DZANK1: variants seen among roughly 807,000 people sequenced by gnomAD.
The protein encoded by DZANK1 is double zinc ribbon and ankyrin repeat domains 1.
DZANK1 carries 91 observed loss-of-function variants against 94.5 expected under a neutral mutation model. The observed-to-expected ratio is 0.96, with a 90% CI of 0.81 to 1.15. DZANK1 has a LOEUF of 1.15. DZANK1 is among the 50% of genes most tolerant of loss of function. The probability of loss-of-function intolerance (pLI) is 0.00; values close to 1 mark genes in which losing one functional copy is unlikely to be tolerated. For missense variants in DZANK1, 903 were observed against 916.4 expected (o/e 0.99, Z 0.19); for synonymous variants, 312 against 325.3 (o/e 0.96, Z 0.44).
chr20:18,395,302 C>A (rs891352190), intron 15 of DZANK1, among the ~76,000 whole-genome samples: 1 of 152,176 alleles, frequency 6.6e-6, no homozygotes, highest in African/African-American at 2.4e-5. Context: ...GGGAGGTTTG[C>A]AGTGAGCCAA....
At chr20:18,403,062 G>A (rs2056768837) in intron 13 of DZANK1, among the ~76,000 whole-genome samples, 1 of 152,160 alleles carries the variant, frequency 6.6e-6, no homozygotes, top group Admixed American at 6.5e-5. Context: ...GTTCCCAAAG[G>A]GGTGTAGTAT....
chr20:18,410,439 T>C (rs1200959205), intron 13 of DZANK1, among the ~76,000 whole-genome samples: 1 of 151,964 alleles, frequency 6.6e-6, no homozygotes, highest in Non-Finnish European at 1.5e-5. Flanking sequence ...GAAAAAGTCA[T>C]TAAATAAATC....
intron 13 of DZANK1, among the ~76,000 whole-genome samples, chr20:18,412,221 A>G (rs1196724658): frequency 6.6e-6 from 1 of 152,214 alleles, no homozygotes; most frequent in Non-Finnish European, 1.5e-5. Context: ...TTGGCCTCCC[A>G]AAGTGCTGGG....
intron 10 of DZANK1, among the ~76,000 whole-genome samples, chr20:18,419,864 A>G (rs6081132): frequency 0.83 from 122,860 of 148,522 alleles, 51,361 homozygotes; most frequent in South Asian, 0.96. Flanking sequence ...CATCAGAAAT[A>G]GTAAAAATAA....
intron 3 of DZANK1, among the ~76,000 whole-genome samples, chr20:18,458,726 T>C (rs1045218321): frequency 9.9e-5 from 15 of 152,158 alleles, no homozygotes; most frequent in African/African-American, 3.1e-4. Context: ...CACCTGAATC[T>C]TGGATGGTCT....
rs117658929 is a variant in DZANK1 at position 18,399,387 on chromosome 20, G to A, written c.1433-761C>T. On this transcript the variant is annotated intron_variant, in intron 13 of 20. Transcript: ENST00000262547. ...TGGAAATTCAAGCACGCACCACAAC[G>A]CCTGGCTAGTGTTTGTATTTTTTAT... Among the ~76,000 whole-genome samples, 777 of 152,032 alleles carry A rather than the reference G, an allele frequency of 5.1e-3. 5 individuals carry two copies. Among genetic ancestry groups the A allele is most frequent in the South Asian group, 0.047 (227 of 4,810 alleles).
exon 12 of DZANK1, chr20:18,414,444 G>A (rs1404311959): frequency 6.2e-7 from 1 of 1,613,782 alleles, no homozygotes; most frequent in African/African-American, 1.3e-5. Context: ...AGGAGCCACA[G>A]AATCGGGCAG....
At chr20:18,457,649 C>T (rs890300743) in intron 3 of DZANK1, among the ~76,000 whole-genome samples, 10 of 152,136 alleles carry the variant, frequency 6.6e-5, no homozygotes, top group African/African-American at 2.4e-4. Flanking sequence ...CCTCATGGCC[C>T]AACCTGACTG....
At chr20:18,442,728 C>T (rs1030036526) in intron 8 of DZANK1, among the ~76,000 whole-genome samples, 3 of 152,084 alleles carry the variant, frequency 2.0e-5, no homozygotes, top group African/African-American at 7.2e-5. Context: ...TCACAGATCC[C>T]TTTATTTCAT....
intron 6 of DZANK1, among the ~76,000 whole-genome samples, chr20:18,450,077 CAAATAAATAAATAAATAAAT>C (rs146221883): frequency 8.7e-5 from 13 of 149,208 alleles, no homozygotes; most frequent in South Asian, 8.6e-4. Flanking sequence ...AACTCCGTCT[CAAATAAATAAATAAATAAAT>C]AAATAAATAA....
exon 8 of DZANK1, chr20:18,443,400 A>G (rs766334901): frequency 2.5e-5 from 39 of 1,544,660 alleles, no homozygotes; most frequent in Non-Finnish European, 3.4e-5. Flanking sequence ...GGGACAGGAG[A>G]GCCACATTCT....
chr20:18,434,154 C>T (rs2058412614), intron 8 of DZANK1, among the ~76,000 whole-genome samples: 1 of 150,626 alleles, frequency 6.6e-6, no homozygotes, highest in Non-Finnish European at 1.5e-5. Flanking sequence ...AAAACATGTT[C>T]ATTGTAGAAA....
chr20:18,466,479 A>T (rs1186307936), intron 1 of DZANK1, among the ~76,000 whole-genome samples: 1 of 152,210 alleles, frequency 6.6e-6, no homozygotes, highest in East Asian at 1.9e-4. Context: ...TCTAGGGCCA[A>T]GAATATAAAC....
At chr20:18,394,793 A>C in intron 15 of DZANK1, 1 of 457,522 alleles carries the variant, frequency 2.2e-6, no homozygotes, top group Non-Finnish European at 4.4e-6. Flanking sequence ...TGGGTCTGCC[A>C]CTTACTAACT....
intron 9 of DZANK1, among the ~76,000 whole-genome samples, chr20:18,429,934 A>C (rs1449698518): frequency 6.6e-6 from 1 of 152,218 alleles, no homozygotes; most frequent in Non-Finnish European, 1.5e-5. Flanking sequence ...GATGGCCTTA[A>C]TGGGGATGGC....
At chr20:18,401,691 TG>T (rs1190114203) in intron 13 of DZANK1, among the ~76,000 whole-genome samples, 1 of 152,206 alleles carries the variant, frequency 6.6e-6, no homozygotes, top group East Asian at 1.9e-4. Context: ...GTCTTTGGGT[TG>T]GGTGCTGGCT....
intron 13 of DZANK1, among the ~76,000 whole-genome samples, chr20:18,409,559 C>T (rs1296710526): frequency 8.0e-6 from 1 of 124,978 alleles, no homozygotes; most frequent in Non-Finnish European, 1.9e-5. Flanking sequence ...AATACACACA[C>T]ACACACACAC....
chr20:18,455,421 G>T, intron 3 of DZANK1, 60 bp from the exon 4 acceptor site: 2 of 1,182,242 alleles, frequency 1.7e-6, no homozygotes, highest in East Asian at 2.5e-5. Context: ...TTTAAAAAGT[G>T]GCTAACAAGA....
At chr20:18,384,221 G>C in exon 21 of DZANK1, 1 of 560,358 alleles carries the variant, frequency 1.8e-6, no homozygotes, top group Middle Eastern at 5.0e-4. Flanking sequence ...CACTACGCCC[G>C]ACTAATTTTG....
Sources: allele counts gnomAD v4.1 joint callset (sites outside exome capture counted in the v4.1 genomes callset), GRCh38; gene constraint gnomAD v4.1.1; transcripts MANE v1.5; gene names NCBI Gene and HGNC (gene_info 2026-07-23, HGNC 2026-07-21).